The following LHFPL6 variants were observed in gnomAD, a reference collection of about 807,000 sequenced individuals.
The protein encoded by LHFPL6 is LHFPL tetraspan subfamily member 6, also known as LHFPL tetraspan subfamily member 6 protein.
A neutral mutation model predicts 20.6 loss-of-function variants in LHFPL6; 9 were observed. The observed-to-expected ratio is 0.44, with a 90% CI of 0.26 to 0.76. The LOEUF (loss-of-function observed/expected upper bound fraction) is 0.76. Ranked by LOEUF, LHFPL6 falls within the 30% of genes least tolerant of loss-of-function variation. The pLI is 0.20. For missense variants in LHFPL6, 218 were observed against 253.5 expected (o/e 0.86, Z 0.95); for synonymous variants, 105 against 98.7 (o/e 1.06, Z -0.38).
intron 2 of LHFPL6, among the ~76,000 whole-genome samples, chr13:39,551,430 C>T (rs904112993): frequency 1.3e-4 from 20 of 151,446 alleles, no homozygotes; most frequent in African/African-American, 4.9e-4. Context: ...TTTTATTTGG[C>T]CCCACCTCCC....
At chr13:39,504,028 T>G (rs1869385192) in intron 2 of LHFPL6, among the ~76,000 whole-genome samples, 1 of 152,244 alleles carries the variant, frequency 6.6e-6, no homozygotes. Flanking sequence ...TTAGCTTTGA[T>G]AGTGCCATCA....
At chr13:39,365,201 C>T (rs1241472197) in intron 3 of LHFPL6, among the ~76,000 whole-genome samples, 2 of 152,204 alleles carry the variant, frequency 1.3e-5, no homozygotes, top group African/African-American at 2.4e-5. Flanking sequence ...TACTGCTCCT[C>T]CATGTGAACT....
At position 39,344,041 on chromosome 13, in the gene LHFPL6, G is replaced by A. The variant is rs753497440; in HGVS notation, c.498C>T (p.Ile166=). The A allele has an allele frequency of 2.5e-6, 4 of 1,610,942 alleles. No individual in the cohort carries two copies. Among genetic ancestry groups the A allele is most frequent in the African/African-American group, 1.3e-5 (1 of 74,870 alleles). The change falls in exon 4 of 4, where the codon ATC becomes ATT. Residue 166 remains isoleucine, a synonymous_variant. Transcript: ENST00000379589. ...SGQFDLGKCE[I]GWAYYCTGAG... ...CTCCCGTGCAGTAGTAGGCCCAGCC[G>A]ATTTCACACTTCCCTAAGGACAAAG...
At chr13:39,529,408 A>G (rs59069892) in intron 2 of LHFPL6, among the ~76,000 whole-genome samples, 4 of 152,220 alleles carry the variant, frequency 2.6e-5, no homozygotes, top group African/African-American at 9.6e-5. Context: ...CCTTATTTCT[A>G]TCTAAATATA....
chr13:39,522,025 C>G (rs1365136624), intron 2 of LHFPL6, among the ~76,000 whole-genome samples: 2 of 152,168 alleles, frequency 1.3e-5, no homozygotes, highest in Non-Finnish European at 2.9e-5. Flanking sequence ...CACCCCAAAC[C>G]CCTAGTACAC....
chr13:39,391,253 T>C (rs945669602), intron 2 of LHFPL6, among the ~76,000 whole-genome samples: 1 of 152,204 alleles, frequency 6.6e-6, no homozygotes, highest in Non-Finnish European at 1.5e-5. Flanking sequence ...TCTTTACTAC[T>C]GATTTTGATA....
chr13:39,519,907 G>A (rs747704799), intron 2 of LHFPL6, among the ~76,000 whole-genome samples: 1 of 152,154 alleles, frequency 6.6e-6, no homozygotes, highest in Non-Finnish European at 1.5e-5. Context: ...GCCACTGTTT[G>A]CAGACATATA....
chr13:39,535,192 T>C (rs992504109), intron 2 of LHFPL6, among the ~76,000 whole-genome samples: 2 of 152,250 alleles, frequency 1.3e-5, no homozygotes, highest in Non-Finnish European at 2.9e-5. Context: ...CTAATGACTT[T>C]ATCTTAACTT....
intron 2 of LHFPL6, among the ~76,000 whole-genome samples, chr13:39,524,663 A>G (rs757555062): frequency 3.3e-5 from 5 of 152,214 alleles, no homozygotes; most frequent in Non-Finnish European, 7.3e-5. Context: ...GAATGGCACC[A>G]ATATCAACCA....
At chr13:39,377,730 T>G (rs567236543) in intron 3 of LHFPL6, among the ~76,000 whole-genome samples, 2 of 152,240 alleles carry the variant, frequency 1.3e-5, no homozygotes, top group Admixed American at 6.5e-5. Flanking sequence ...GAAAACTAAC[T>G]GAAATTTTCT....
intron 3 of LHFPL6, among the ~76,000 whole-genome samples, chr13:39,365,760 G>A (rs754606545): frequency 2.0e-5 from 3 of 152,144 alleles, no homozygotes; most frequent in Non-Finnish European, 4.4e-5. Flanking sequence ...AACTGCTAGG[G>A]AAAATGCAGC....
intron 3 of LHFPL6, among the ~76,000 whole-genome samples, chr13:39,354,454 C>A (rs1478719509): frequency 6.6e-6 from 1 of 152,146 alleles, no homozygotes; most frequent in Non-Finnish European, 1.5e-5. Context: ...AATAATCAGG[C>A]AAGAACTCTG....
chr13:39,572,975 C>T (rs1417305893), intron 2 of LHFPL6, among the ~76,000 whole-genome samples: 1 of 152,144 alleles, frequency 6.6e-6, no homozygotes, highest in Non-Finnish European at 1.5e-5. Context: ...GTGAGATACG[C>T]AATCTAATAT....
At chr13:39,560,576 G>A (rs1192839775) in intron 2 of LHFPL6, among the ~76,000 whole-genome samples, 1 of 146,162 alleles carries the variant, frequency 6.8e-6, no homozygotes, top group Non-Finnish European at 1.5e-5. Flanking sequence ...GTGCAGTGGC[G>A]CGATCTCGGC....
intron 2 of LHFPL6, among the ~76,000 whole-genome samples, chr13:39,439,893 G>A (rs1872068386): frequency 6.6e-6 from 1 of 152,172 alleles, no homozygotes; most frequent in South Asian, 2.1e-4. Context: ...AGAACTGTGA[G>A]TCAACTAAAC....
chr13:39,549,055 A>T (rs112630514), intron 2 of LHFPL6, among the ~76,000 whole-genome samples: 3 of 152,142 alleles, frequency 2.0e-5, no homozygotes, highest in East Asian at 3.8e-4. Context: ...AACTCTCAGA[A>T]CTTAATCATA....
At chr13:39,500,846 G>T (rs1164118177) in intron 2 of LHFPL6, among the ~76,000 whole-genome samples, 5 of 152,054 alleles carry the variant, frequency 3.3e-5, no homozygotes, top group Non-Finnish European at 5.9e-5. Flanking sequence ...ATTAAACTTG[G>T]ACAAGAAATT....
In LHFPL6 at chr13:39,350,170, T is replaced by C. The variant is rs535948922; in HGVS notation, c.485-6116A>G. Among the ~76,000 whole-genome samples the C allele has an allele frequency of 3.9e-5, 6 of 152,358 alleles. No homozygotes were observed. The East Asian group carries it at 9.6e-4, about 24-fold the overall frequency. The stretch of plus-strand genomic sequence containing the variant: ...GTTCATATCACTCACATCAGCTGTA[T>C]TATTCTGAAACATTCCTTGTATATT... On this transcript the variant is annotated intron_variant, in intron 3 of 3. Transcript: ENST00000379589.
chr13:39,435,062 C>CAAAAAAAAAA (rs55701240), intron 2 of LHFPL6, among the ~76,000 whole-genome samples: 2 of 53,364 alleles, frequency 3.7e-5, no homozygotes, highest in South Asian at 1.3e-3. Flanking sequence ...GACTCCGTCT[C>CAAAAAAAAAA]AAAAAAAAAA....
Sources: allele counts gnomAD v4.1 joint callset (sites outside exome capture counted in the v4.1 genomes callset), GRCh38; gene constraint gnomAD v4.1.1; transcripts MANE v1.5; gene names NCBI Gene and HGNC (gene_info 2026-07-23, HGNC 2026-07-21).